The following FLACC1 variants were observed in gnomAD, a reference collection of about 807,000 sequenced individuals.
FLACC1 encodes the protein flagellum associated containing coiled-coil domains 1.
Under a neutral mutation model 62.8 loss-of-function variants are expected in FLACC1, and 66 were observed. The observed-to-expected ratio is 1.05, with a 90% CI of 0.86 to 1.29. The LOEUF is 1.29. Among genes scored for constraint, FLACC1 ranks in the 50% most tolerant of loss-of-function variants. FLACC1 has a pLI of 0.00. For synonymous variants in FLACC1, 156 were observed against 161.0 expected (o/e 0.97, Z 0.24); for missense variants, 452 against 489.1 (o/e 0.92, Z 0.71).
intron 1 of FLACC1, among the ~76,000 whole-genome samples, chr2:201,354,813 A>C (rs1305338851): frequency 6.6e-6 from 1 of 152,226 alleles, no homozygotes; most frequent in Non-Finnish European, 1.5e-5. Context: ...CACTTCTAGC[A>C]ACTGCCTTCT....
chr2:201,331,755 T>A (rs1031241627), intron 7 of FLACC1, among the ~76,000 whole-genome samples: 1 of 152,240 alleles, frequency 6.6e-6, no homozygotes, highest in African/African-American at 2.4e-5. Flanking sequence ...GCAGTGAAAC[T>A]ATTGTTATGA....
intron 11 of FLACC1, among the ~76,000 whole-genome samples, chr2:201,305,926 GCCAGT>G (rs1950093748): frequency 1.3e-5 from 2 of 148,634 alleles, no homozygotes; most frequent in Non-Finnish European, 3.0e-5. Flanking sequence ...ACACACCAGG[GCCAGT>G]TGTGGGGTGG....
At chr2:201,329,209 TC>T (rs1950547477) in intron 9 of FLACC1, among the ~76,000 whole-genome samples, 1 of 152,122 alleles carries the variant, frequency 6.6e-6, no homozygotes, top group Non-Finnish European at 1.5e-5. Context: ...ATGTCACTAA[TC>T]ATCAGAGAAA....
chr2:201,358,492 C>T (rs1250144393), upstream of FLACC1, among the ~76,000 whole-genome samples: 3 of 148,936 alleles, frequency 2.0e-5, no homozygotes, highest in South Asian at 6.4e-4. Context: ...TCTCGGCTCA[C>T]TGCAAGCTCC....
chr2:201,292,593 G>A (rs1456670952), intron 12 of FLACC1, among the ~76,000 whole-genome samples: 3 of 152,150 alleles, frequency 2.0e-5, no homozygotes, highest in South Asian at 2.1e-4. Flanking sequence ...AAAGACCATC[G>A]AGGCTAGGAA....
chr2:201,331,928 A>T (rs1191237405), intron 7 of FLACC1, among the ~76,000 whole-genome samples: 1 of 152,150 alleles, frequency 6.6e-6, no homozygotes, highest in Non-Finnish European at 1.5e-5. Flanking sequence ...GGATATTGAT[A>T]ATGGGGGAAG....
chr2:201,335,209 T>G (rs543452194), intron 7 of FLACC1, among the ~76,000 whole-genome samples: 1 of 152,250 alleles, frequency 6.6e-6, no homozygotes, highest in South Asian at 2.1e-4. Flanking sequence ...GGTTTGTTGC[T>G]TTTATCTTTT....
In FLACC1 at chr2:201,326,634, G is replaced by A. The variant is rs550148225; in HGVS notation, c.675+3836C>T. Among the ~76,000 whole-genome samples the A allele has an allele frequency of 3.0e-4, 46 of 152,262 alleles. No individual in the cohort carries two copies. The highest frequency in any genetic ancestry group is 1.1e-3 in the African/African-American group (44 of 41,552). ...CAAGGAGGTGAAAGATCTCTACAAG[G>A]AGAACTATAAAACACAGCTGAAAGA... is the stretch of plus-strand genomic sequence containing the variant. On this transcript the variant is annotated intron_variant, in intron 9 of 14. Coordinates refer to ENST00000392257, the MANE Select transcript of FLACC1 (RefSeq NM_001127391.3). The surrounding 1 kb of genome is among the most constrained non-coding windows in gnomAD (Gnocchi z 4.1).
chr2:201,313,842 C>G (rs1950261543), intron 9 of FLACC1, among the ~76,000 whole-genome samples: 1 of 152,204 alleles, frequency 6.6e-6, no homozygotes, highest in Non-Finnish European at 1.5e-5. Flanking sequence ...AGAGCAGGTA[C>G]TGGTATCCAC....
intron 7 of FLACC1, among the ~76,000 whole-genome samples, chr2:201,339,855 A>G (rs1950771111): frequency 6.6e-6 from 1 of 152,024 alleles, no homozygotes; most frequent in Non-Finnish European, 1.5e-5. Context: ...TGTTTTTTTC[A>G]GGTGTCAGGA....
intron 9 of FLACC1, among the ~76,000 whole-genome samples, chr2:201,309,807 T>C (rs941326637): frequency 2.7e-5 from 4 of 147,186 alleles, no homozygotes; most frequent in African/African-American, 1.0e-4. Flanking sequence ...CTTGGGAGGC[T>C]GAGGCAGGAG....
At chr2:201,342,336 C>G in intron 7 of FLACC1, 34 bp downstream of exon 7, 2 of 1,610,974 alleles carry the variant, frequency 1.2e-6, no homozygotes, top group Non-Finnish European at 1.7e-6. Context: ...TTAGAGCCAT[C>G]AACACACACA....
At chr2:201,309,066 G>T in intron 10 of FLACC1, 85 bp downstream of exon 10, 1 of 1,189,290 alleles carries the variant, frequency 8.4e-7, no homozygotes, top group Non-Finnish European at 1.2e-6. Context: ...GTAAGCCCAA[G>T]GCCACCTTCC....
At chr2:201,292,266 C>T (rs966103486) in intron 12 of FLACC1, among the ~76,000 whole-genome samples, 3 of 152,172 alleles carry the variant, frequency 2.0e-5, no homozygotes, top group African/African-American at 7.2e-5. Flanking sequence ...ATGTTAAGGG[C>T]AGCCAGAGAG....
the FLACC1 span, among the ~76,000 whole-genome samples, chr2:201,363,777 G>A: frequency 6.6e-6 from 1 of 152,180 alleles, no homozygotes; most frequent in Admixed American, 6.5e-5. Context: ...AGAGCTCCAG[G>A]CATCTGGAGC....
intron 9 of FLACC1, among the ~76,000 whole-genome samples, chr2:201,310,176 T>C (rs1279448096): frequency 6.6e-6 from 1 of 152,128 alleles, no homozygotes; most frequent in Non-Finnish European, 1.5e-5. Flanking sequence ...ATTTTTCAGG[T>C]TAGCAGAAGG....
chr2:201,312,567 T>A (rs1043157311), intron 9 of FLACC1, among the ~76,000 whole-genome samples: 2 of 152,252 alleles, frequency 1.3e-5, no homozygotes, highest in South Asian at 2.1e-4. Context: ...TAGAAAAAAA[T>A]TATTGTAAAA....
chr2:201,351,836 C>T, intron 1 of FLACC1: 1 of 157,378 alleles, frequency 6.4e-6, no homozygotes, highest in Non-Finnish European at 1.4e-5. Flanking sequence ...CCCAGCTACT[C>T]AGGAGGCTGA....
rs1374645432 is a variant in FLACC1 at position 201,357,226 on chromosome 2, A to T, written c.-292T>A. 6.6e-6 allele frequency: 1 copy of T among 152,260 alleles called. No individual in the cohort carries two copies. Among genetic ancestry groups the T allele is most frequent in the Non-Finnish European group, 1.5e-5 (1 of 68,040 alleles). 9.4% of individuals were successfully genotyped at this position (152,260 alleles called of 1,614,324 possible). A position where few individuals can be genotyped will look rare whatever the true frequency, so the allele number is the denominator to read the frequency against. On this transcript the variant is annotated 5_prime_UTR_variant, in exon 1 of 15. Transcript: ENST00000392257. ...AGGCTTTTACAAAGGCTGGCCTGGCACAAACATGAATTTCCCTTCTAAAGA... is the reference window on the plus strand; with the variant it reads ...AGGCTTTTACAAAGGCTGGCCTGGCTCAAACATGAATTTCCCTTCTAAAGA...
Sources: allele counts gnomAD v4.1 joint callset (sites outside exome capture counted in the v4.1 genomes callset), GRCh38; gene constraint gnomAD v4.1.1; non-coding constraint Gnocchi (gnomAD v3.1); transcripts MANE v1.5; gene names NCBI Gene and HGNC (gene_info 2026-07-23, HGNC 2026-07-21).